CADPS2: variants seen among roughly 807,000 people sequenced by gnomAD.
CADPS2 encodes the protein calcium-dependent secretion activator 2.
CADPS2 carries 93 observed loss-of-function variants against 172.5 expected under a neutral mutation model. The ratio of observed to expected loss-of-function variants is 0.54; its 90% confidence interval spans 0.46 to 0.64. The LOEUF (loss-of-function observed/expected upper bound fraction) is 0.64, where lower values mean the gene tolerates loss of function less well. CADPS2 is among the 30% of genes least tolerant of loss of function. CADPS2 has a pLI of 0.00. For synonymous variants in CADPS2, 546 were observed against 555.2 expected (o/e 0.98, Z 0.23); for missense variants, 1,420 against 1,565.9 (o/e 0.91, Z 1.57).
At chr7:122,630,133 T>C (rs2076435530) in intron 3 of CADPS2, among the ~76,000 whole-genome samples, 1 of 152,148 alleles carries the variant, frequency 6.6e-6, no homozygotes, top group Non-Finnish European at 1.5e-5. Context: ...TTTTCTCCTT[T>C]TGCACTCTCA....
chr7:122,691,895 C>T (rs1022377285), intron 2 of CADPS2, among the ~76,000 whole-genome samples: 10 of 152,172 alleles, frequency 6.6e-5, no homozygotes, highest in Non-Finnish European at 1.5e-5. Flanking sequence ...AAGTGGCGAA[C>T]GCCAAGGTGC....
chr7:122,743,185 C>G (rs1389791409), intron 1 of CADPS2, among the ~76,000 whole-genome samples: 1 of 152,096 alleles, frequency 6.6e-6, no homozygotes, highest in East Asian at 1.9e-4. Context: ...ATACAACCAA[C>G]AGATTAGCCT....
chr7:122,427,089 G>A (rs1375436521), intron 17 of CADPS2: 3 of 151,792 alleles, frequency 2.0e-5, no homozygotes, highest in African/African-American at 4.8e-5. Context: ...TTCCGAATAA[G>A]GAACAAACTG....
At position 122,629,531 on chromosome 7, in the gene CADPS2, C is replaced by T. The variant is rs560457448; in HGVS notation, c.787-203G>A. On this transcript the variant is annotated intron_variant, in intron 3 of 29. Coordinates refer to ENST00000449022, the MANE Select transcript of CADPS2 (RefSeq NM_017954.11). ...ACCAGATAAATTTCTTGGGTACTTT[C>T]TCATTGTGGTTTTACTCACAAAACC... Among the ~76,000 whole-genome samples the T allele has an allele frequency of 1.7e-3, 253 of 152,186 alleles. 2 individuals are homozygous for T. The highest frequency in any genetic ancestry group is 2.9e-3 in the South Asian group (14 of 4,824).
At chr7:122,428,530 C>T (rs1448517685) in intron 17 of CADPS2, among the ~76,000 whole-genome samples, 1 of 150,320 alleles carries the variant, frequency 6.7e-6, no homozygotes, top group Non-Finnish European at 1.5e-5. Context: ...TACAGTGGCG[C>T]AATCACGGCT....
At chr7:122,827,255 T>G (rs1805174007) in intron 1 of CADPS2, among the ~76,000 whole-genome samples, 1 of 152,126 alleles carries the variant, frequency 6.6e-6, no homozygotes, top group Non-Finnish European at 1.5e-5. Context: ...AATAGCCCTC[T>G]CACTACTAAG....
chr7:122,597,064 C>CA (rs1055523369), intron 6 of CADPS2, among the ~76,000 whole-genome samples: 2 of 151,846 alleles, frequency 1.3e-5, no homozygotes, highest in Non-Finnish European at 2.9e-5. Flanking sequence ...GCTCTTGCAG[C>CA]AAATAAAAGA....
chr7:122,391,160 A>G (rs1360033782), intron 22 of CADPS2, among the ~76,000 whole-genome samples: 2 of 152,096 alleles, frequency 1.3e-5, no homozygotes, highest in East Asian at 1.9e-4. Flanking sequence ...TCATAACATT[A>G]TGAGTAATTC....
chr7:122,645,415 A>ACG (rs2078305681), intron 3 of CADPS2, among the ~76,000 whole-genome samples: 2 of 1,322 alleles, frequency 1.5e-3, no homozygotes, highest in African/African-American at 3.0e-3. Flanking sequence ...ATATACACAC[A>ACG]TGTATATGTG....
intron 14 of CADPS2, among the ~76,000 whole-genome samples, chr7:122,457,098 C>T (rs1056446829): frequency 1.3e-5 from 2 of 152,196 alleles, no homozygotes; most frequent in East Asian, 3.9e-4. Flanking sequence ...TCTATTATTT[C>T]GGATGATTTC....
At position 122,325,589 on chromosome 7, in the gene CADPS2, G is replaced by C. The variant is rs1488188305; in HGVS notation, c.3613-8C>G. 6.3e-7 allele frequency: 1 copy of C among 1,576,574 alleles called. No homozygotes were observed. Among genetic ancestry groups the C allele is most frequent in the Non-Finnish European group, 8.7e-7 (1 of 1,149,520 alleles). ...GGAACTGCTGTACCATTGCTAGAAG[G>C]GAGAATTGGGGCACAGGGGAGGAGA... On this transcript the variant is annotated splice_region_variant and splice_polypyrimidine_tract_variant and intron_variant, in intron 28 of 29. Transcript: ENST00000449022.
intron 1 of CADPS2, among the ~76,000 whole-genome samples, chr7:122,850,710 A>C (rs565690979): frequency 5.9e-5 from 9 of 152,186 alleles, no homozygotes; most frequent in Non-Finnish European, 1.3e-4. Context: ...CCTAGAGAGA[A>C]GAGCAGGCTG....
chr7:122,689,261 T>C (rs1415204087), intron 2 of CADPS2, among the ~76,000 whole-genome samples: 2 of 152,102 alleles, frequency 1.3e-5, no homozygotes, highest in Admixed American at 6.6e-5. Context: ...TATGTTCTGG[T>C]GGTTGTCAGG....
intron 6 of CADPS2, among the ~76,000 whole-genome samples, chr7:122,588,490 G>A (rs901548718): frequency 6.6e-6 from 1 of 151,322 alleles, no homozygotes; most frequent in East Asian, 2.0e-4. Flanking sequence ...GGTTTGTCAC[G>A]ATGAAATTTT....
At chr7:122,800,978 C>G (rs1044892639) in intron 1 of CADPS2, among the ~76,000 whole-genome samples, 40 of 134,562 alleles carry the variant, frequency 3.0e-4, no homozygotes, top group African/African-American at 1.2e-3. Context: ...TGCGACAGAG[C>G]GAGACTCTGC....
chr7:122,770,122 C>A (rs1432170832), intron 1 of CADPS2, among the ~76,000 whole-genome samples: 2 of 152,146 alleles, frequency 1.3e-5, no homozygotes, highest in Non-Finnish European at 2.9e-5. Flanking sequence ...AGAACCAGGT[C>A]TCACTGAAGA....
intron 2 of CADPS2, among the ~76,000 whole-genome samples, chr7:122,720,901 G>C (rs1476082503): frequency 6.6e-6 from 1 of 151,692 alleles, no homozygotes; most frequent in Non-Finnish European, 1.5e-5. Flanking sequence ...GCCAAATATT[G>C]GCAGTTTCAT....
intron 17 of CADPS2, among the ~76,000 whole-genome samples, chr7:122,431,926 GGGGT>G (rs2049981472): frequency 6.9e-6 from 1 of 144,742 alleles, no homozygotes; most frequent in Admixed American, 6.9e-5. Context: ...ATCGGGGGCG[GGGGT>G]GGGGGTGGGG....
intron 1 of CADPS2, among the ~76,000 whole-genome samples, chr7:122,840,042 A>C (rs1809943870): frequency 6.6e-6 from 1 of 152,226 alleles, no homozygotes. Flanking sequence ...AATGTCCATC[A>C]ATGATAGACT....
Sources: allele counts gnomAD v4.1 joint callset (sites outside exome capture counted in the v4.1 genomes callset), GRCh38; gene constraint gnomAD v4.1.1; transcripts MANE v1.5; gene names NCBI Gene and HGNC (gene_info 2026-07-23, HGNC 2026-07-21).